Variants in AFF2 observed in about 807,000 individuals in gnomAD.
AFF2 encodes ALF transcription elongation factor 2.
A neutral mutation model predicts 76.9 loss-of-function variants in AFF2; 14 were observed. That is an observed-to-expected ratio of 0.18 (90% CI 0.12 to 0.28). The LOEUF is 0.28. Among genes scored for constraint, AFF2 ranks in the 10% least tolerant of loss-of-function variants. AFF2 has a pLI of 1.00. For missense variants in AFF2, 868 were observed against 1,001.1 expected, an observed-to-expected ratio of 0.87 and a Z score of 1.79; for synonymous variants, 398 against 366.7, an observed-to-expected ratio of 1.09 and a Z score of -0.98.
At chrX:148,921,129 T>TTGAA (rs1182564147) in intron 9 of AFF2, among the ~76,000 whole-genome samples, 1 of 111,675 alleles carries the variant, frequency 9.0e-6, no homozygotes, top group East Asian at 2.8e-4. Flanking sequence ...GTTCAACTAA[T>TTGAA]TAGGTGATTA....
chrX:148,609,405 C>T (rs996338965), intron 1 of AFF2, among the ~76,000 whole-genome samples: 3 of 111,390 alleles, frequency 2.7e-5, no homozygotes, highest in African/African-American at 9.8e-5. Flanking sequence ...AGTATTAACA[C>T]CTGCCTTCTG....
At chrX:148,755,125 C>G (rs1369531805) in intron 3 of AFF2, among the ~76,000 whole-genome samples, 1 of 111,512 alleles carries the variant, frequency 9.0e-6, no homozygotes, top group Admixed American at 9.6e-5. Context: ...ATCTTGGCAT[C>G]AGGTTATCAT....
intron 1 of AFF2, among the ~76,000 whole-genome samples, chrX:148,533,266 G>A (rs1244270313): frequency 9.0e-6 from 1 of 111,511 alleles, no homozygotes; most frequent in Admixed American, 9.5e-5. Flanking sequence ...TGGTATCCAG[G>A]TGATTAGTAG....
intron 1 of AFF2, among the ~76,000 whole-genome samples, chrX:148,625,486 A>G (rs1557251900): frequency 1.8e-5 from 2 of 110,526 alleles, no homozygotes; most frequent in African/African-American, 3.3e-5. Context: ...AAGAGCATGT[A>G]GCTCAGTCAG....
intron 1 of AFF2, among the ~76,000 whole-genome samples, chrX:148,603,569 A>G (rs1420536125): frequency 1.8e-5 from 2 of 110,095 alleles, no homozygotes; most frequent in African/African-American, 3.3e-5. Context: ...GATGTTTATC[A>G]TCATCTTTGA....
intron 1 of AFF2, among the ~76,000 whole-genome samples, chrX:148,587,970 G>A (rs1409580860): frequency 7.1e-5 from 8 of 112,382 alleles, no homozygotes; most frequent in African/African-American, 2.3e-4. Flanking sequence ...TTCAGCTCCC[G>A]CCAAAAGGCA....
chrX:148,630,656 C>T (rs1176907890), intron 1 of AFF2, among the ~76,000 whole-genome samples: 2 of 111,850 alleles, frequency 1.8e-5, no homozygotes, highest in African/African-American at 6.5e-5. Flanking sequence ...CTCCTGTGTC[C>T]ATTCCTGTCC....
chrX:148,813,966 G>A (rs1026029998), intron 4 of AFF2, among the ~76,000 whole-genome samples: 2 of 112,130 alleles, frequency 1.8e-5, no homozygotes, highest in East Asian at 2.8e-4. Context: ...GCATATTATC[G>A]CTTATTGTGA....
At chrX:148,990,335 C>A (rs1354439938) in intron 20 of AFF2, among the ~76,000 whole-genome samples, 3 of 112,060 alleles carry the variant, frequency 2.7e-5, no homozygotes, top group Non-Finnish European at 3.8e-5. Flanking sequence ...CTCACCCCAC[C>A]CCCTGACACG....
chrX:148,633,031 T>A (rs2053995174), intron 1 of AFF2, among the ~76,000 whole-genome samples: 1 of 112,174 alleles, frequency 8.9e-6, no homozygotes, highest in Admixed American at 9.4e-5. Context: ...CATCCCTAGA[T>A]TTTTTGGCAA....
At chrX:148,693,387 G>A (rs1372798661) in intron 3 of AFF2, among the ~76,000 whole-genome samples, 1 of 112,030 alleles carries the variant, frequency 8.9e-6, no homozygotes, top group Non-Finnish European at 1.9e-5. Context: ...GAAAGAATTA[G>A]TGTTTCTGCT....
chrX:148,632,548 A>G (rs1557253178), intron 1 of AFF2, among the ~76,000 whole-genome samples: 2 of 111,186 alleles, frequency 1.8e-5, no homozygotes, highest in Non-Finnish European at 3.8e-5. Context: ...TTTCATGACA[A>G]TGTGTGCTTT....
At chrX:148,796,686 C>T (rs912513904) in intron 3 of AFF2, among the ~76,000 whole-genome samples, 2 of 112,031 alleles carry the variant, frequency 1.8e-5, no homozygotes, top group Admixed American at 9.5e-5. Context: ...TTGAAAAGGT[C>T]GCAAGAACGC....
intron 3 of AFF2, among the ~76,000 whole-genome samples, chrX:148,738,748 G>T (rs1489287949): frequency 9.0e-6 from 1 of 111,330 alleles, no homozygotes; most frequent in African/African-American, 3.3e-5. Flanking sequence ...TTTGATGTAG[G>T]TGTTTAGGGC....
chrX:148,903,043 A>T (rs1303501329), intron 8 of AFF2, among the ~76,000 whole-genome samples: 1 of 109,901 alleles, frequency 9.1e-6, no homozygotes, highest in Non-Finnish European at 1.9e-5. Context: ...GTCTCTGCTA[A>T]AAGTGGTTGC....
In AFF2 at chrX:148,962,691, C is replaced by A. The variant is rs782039014; in HGVS notation, c.2691-24C>A. The A allele has an allele frequency of 1.6e-5, 18 of 1,150,713 alleles. No homozygotes were observed. In the Admixed American group the frequency reaches 4.0e-4, roughly 26 times the overall value. 94.8% of individuals were successfully genotyped at this position (1,150,713 alleles called of 1,213,427 possible). On this transcript the variant is annotated intron_variant, in intron 12 of 20. Transcript: ENST00000370460. Reference sequence around the variant, plus strand: ...TAAAGAGAGAGAAGACTTTATGACACCCTACACTTCTTGTTTTTCACAGAA... The same window carrying A: ...TAAAGAGAGAGAAGACTTTATGACAACCTACACTTCTTGTTTTTCACAGAA...
intron 3 of AFF2, among the ~76,000 whole-genome samples, chrX:148,699,478 A>G (rs184139142): frequency 2.1e-4 from 24 of 111,699 alleles, no homozygotes; most frequent in Admixed American, 1.9e-3. Flanking sequence ...TAGCATCTAT[A>G]ATGCCATCTG....
chrX:148,862,406 T>G (rs925407980), intron 7 of AFF2, among the ~76,000 whole-genome samples: 1 of 110,645 alleles, frequency 9.0e-6, no homozygotes, highest in South Asian at 3.8e-4. Context: ...AACATTAGAC[T>G]GAGAAAAAAT....
chrX:148,702,223 A>G (rs1368130645), intron 3 of AFF2, among the ~76,000 whole-genome samples: 1 of 111,681 alleles, frequency 9.0e-6, no homozygotes, highest in African/African-American at 3.3e-5. Flanking sequence ...CTAAACATCT[A>G]AAACTCCTAA....
Sources: gnomAD v4.1 joint callset for allele counts (sites outside exome capture counted in the v4.1 genomes callset) on GRCh38, gnomAD v4.1.1 for gene constraint, MANE v1.5 for transcripts, NCBI Gene and HGNC (gene_info 2026-07-23, HGNC 2026-07-21) for gene names.